CEP63: variants seen among roughly 807,000 people sequenced by gnomAD.
The protein encoded by CEP63 is centrosomal protein of 63 kDa.
A neutral mutation model predicts 89.1 loss-of-function variants in CEP63; 84 were observed. The ratio of observed to expected loss-of-function variants is 0.94; its 90% confidence interval spans 0.79 to 1.13. The LOEUF is 1.13. Among genes scored for constraint, CEP63 ranks in the 50% most tolerant of loss-of-function variants. CEP63 has a pLI of 0.00. For missense variants in CEP63, 838 were observed against 813.3 expected (o/e 1.03, Z -0.37); for synonymous variants, 267 against 272.5 (o/e 0.98, Z 0.20).
chr3:134,608,091 G>A, the CEP63 span: 38 of 1,121,366 alleles, frequency 3.4e-5, no homozygotes, highest in Non-Finnish European at 4.1e-5. Context: ...CACCTGTCCT[G>A]GGAGACCCAT....
the CEP63 span, among the ~76,000 whole-genome samples, chr3:134,712,958 G>A: frequency 6.6e-6 from 1 of 152,212 alleles, no homozygotes; most frequent in Non-Finnish European, 1.5e-5. Flanking sequence ...TTCCAGGCCA[G>A]AGCATGTCTG....
chr3:134,574,779 AT>A (rs753223860), intron 11 of CEP63: 861 of 534,412 alleles, frequency 1.6e-3, no homozygotes, highest in South Asian at 3.7e-3. Flanking sequence ...AATTTTTTAT[AT>A]TTTTTTTTGT....
At chr3:134,551,831 T>C (rs1415729695) in intron 11 of CEP63, 95 bp from the exon 12 acceptor site, 1 of 550,098 alleles carries the variant, frequency 1.8e-6, no homozygotes, top group Non-Finnish European at 3.3e-6. Context: ...ATGAAGAATA[T>C]GACTTAGCCT....
the CEP63 span, among the ~76,000 whole-genome samples, chr3:134,722,948 C>G: frequency 6.6e-6 from 1 of 152,190 alleles, no homozygotes; most frequent in Non-Finnish European, 1.5e-5. Flanking sequence ...CACTGCAAGC[C>G]TTTTCCAGAT....
At chr3:134,503,100 C>CTTTTTTTTTTTTTTTTTTT (rs34673408) in intron 2 of CEP63, among the ~76,000 whole-genome samples, 24 of 92,020 alleles carry the variant, frequency 2.6e-4, no homozygotes, top group South Asian at 4.3e-4. Flanking sequence ...TGATTTCAAT[C>CTTTTTTTTTTTTTTTTTTT]TTTTTTTTTT....
chr3:134,552,120 G>T, intron 12 of CEP63, 108 bp downstream of exon 12: 1 of 635,688 alleles, frequency 1.6e-6, no homozygotes, highest in Admixed American at 2.8e-5. Flanking sequence ...AGATCCTTTT[G>T]CAGAAATTTT....
the CEP63 span, among the ~76,000 whole-genome samples, chr3:134,622,205 T>G: frequency 6.6e-6 from 1 of 152,186 alleles, no homozygotes; most frequent in Non-Finnish European, 1.5e-5. Flanking sequence ...GCAATTTCAG[T>G]CCAAGGTACG....
intron 3 of CEP63, chr3:134,511,216 C>A: frequency 6.0e-6 from 1 of 166,552 alleles, no homozygotes; most frequent in South Asian, 1.3e-4. Flanking sequence ...GTTGTTGTCA[C>A]TGAACTCTGC....
chr3:134,688,723 C>T, the CEP63 span, among the ~76,000 whole-genome samples: 13 of 152,100 alleles, frequency 8.5e-5, no homozygotes, highest in Non-Finnish European at 1.3e-4. Flanking sequence ...AGACAGGAAC[C>T]TCAGAGACTC....
In CEP63 at chr3:134,549,188, C is replaced by G; in HGVS notation, c.1182+12C>G. On this transcript the variant is annotated intron_variant, in intron 10 of 14. Transcript: ENST00000675561. ...CAGAGATTAAGAAGGTAAAAATCTG[C>G]ATACCTAGGATTGCAAAATTGTATG... 1 of 1,514,836 alleles carries G rather than the reference C, an allele frequency of 6.6e-7. No individual in the cohort carries two copies. The highest frequency in any genetic ancestry group is 1.4e-5 in the African/African-American group (1 of 72,982). 93.8% of individuals were successfully genotyped at this position (1,514,836 alleles called of 1,614,324 possible).
the CEP63 span, among the ~76,000 whole-genome samples, chr3:134,638,831 A>G: frequency 6.6e-6 from 1 of 152,196 alleles, no homozygotes; most frequent in East Asian, 1.9e-4. Flanking sequence ...AGTATGGCAA[A>G]CAGGTTTCAT....
the CEP63 span, among the ~76,000 whole-genome samples, chr3:134,743,651 T>C: frequency 6.6e-6 from 1 of 152,254 alleles, no homozygotes; most frequent in East Asian, 1.9e-4. Flanking sequence ...TGCAGCAGTT[T>C]GCAGCAGGAT....
the CEP63 span, among the ~76,000 whole-genome samples, chr3:134,669,266 G>T: frequency 6.6e-6 from 1 of 152,144 alleles, no homozygotes; most frequent in Non-Finnish European, 1.5e-5. Flanking sequence ...AGGCTCAAGT[G>T]ATCTGCCCAC....
intron 6 of CEP63, among the ~76,000 whole-genome samples, chr3:134,542,452 T>C (rs547100099): frequency 4.7e-4 from 72 of 152,334 alleles, no homozygotes; most frequent in African/African-American, 1.6e-3. Flanking sequence ...ATAGGCTCTT[T>C]AGGCTGCTCT....
the CEP63 span, chr3:134,607,688 C>A: frequency 1.2e-5 from 12 of 985,620 alleles, no homozygotes; most frequent in Non-Finnish European, 1.4e-5. Flanking sequence ...CAGGGCAGCC[C>A]CCGTATGCCT....
At chr3:134,717,372 T>C in the CEP63 span, among the ~76,000 whole-genome samples, 2 of 152,182 alleles carry the variant, frequency 1.3e-5, no homozygotes, top group African/African-American at 2.4e-5. Context: ...GCTCCACCCA[T>C]CCACACGTGT....
chr3:134,711,386 A>T, the CEP63 span, among the ~76,000 whole-genome samples: 1 of 152,104 alleles, frequency 6.6e-6, no homozygotes, highest in African/African-American at 2.4e-5. Flanking sequence ...TCCACCCTGG[A>T]TTCCTCTATG....
the CEP63 span, among the ~76,000 whole-genome samples, chr3:134,595,712 T>G: frequency 2.0e-5 from 3 of 152,208 alleles, no homozygotes; most frequent in Admixed American, 2.0e-4. Context: ...TCATTCTCAA[T>G]CCTTCATGGC....
chr3:134,767,597 A>G, the CEP63 span, among the ~76,000 whole-genome samples: 1 of 152,144 alleles, frequency 6.6e-6, no homozygotes, highest in Non-Finnish European at 1.5e-5. Context: ...CTGCATTTTC[A>G]TTTTGCAATG....
Sources: allele counts gnomAD v4.1 joint callset (sites outside exome capture counted in the v4.1 genomes callset), GRCh38; gene constraint gnomAD v4.1.1; transcripts MANE v1.5; gene names NCBI Gene and HGNC (gene_info 2026-07-23, HGNC 2026-07-21).